The following BANK1 variants were observed in gnomAD, a reference collection of about 807,000 sequenced individuals.
BANK1 encodes B-cell scaffold protein with ankyrin repeats.
Under a neutral mutation model 94.5 loss-of-function variants are expected in BANK1, and 95 were observed. The observed-to-expected ratio is 1.00, with a 90% CI of 0.85 to 1.19. BANK1 has a LOEUF of 1.19. Among genes scored for constraint, BANK1 ranks in the 50% most tolerant of loss-of-function variants. The pLI, the probability that BANK1 is intolerant of heterozygous loss-of-function variation, is 0.00. For synonymous variants in BANK1, 334 were observed against 308.4 expected, an observed-to-expected ratio of 1.08 and a Z score of -0.87; for missense variants, 987 against 932.2, an observed-to-expected ratio of 1.06 and a Z score of -0.77.
chr4:101,889,584 G>A (rs1256340307), intron 5 of BANK1, among the ~76,000 whole-genome samples: 2 of 111,940 alleles, frequency 1.8e-5, no homozygotes, highest in Admixed American at 1.4e-4. Context: ...CGGCCTGGGC[G>A]ACAGAGCGAG....
At chr4:101,920,732 C>T (rs1722974985) in intron 7 of BANK1, among the ~76,000 whole-genome samples, 1 of 151,922 alleles carries the variant, frequency 6.6e-6, no homozygotes, top group Admixed American at 6.6e-5. Context: ...TCCTAATCCC[C>T]CATCAATAAA....
chr4:101,793,441 T>C (rs1256156756), intron 1 of BANK1, among the ~76,000 whole-genome samples: 1 of 152,212 alleles, frequency 6.6e-6, no homozygotes, highest in African/African-American at 2.4e-5. Context: ...GCTTTCAGGA[T>C]ATCTTCACCA....
intron 1 of BANK1, among the ~76,000 whole-genome samples, chr4:101,826,103 C>G (rs1468512489): frequency 6.6e-6 from 1 of 152,032 alleles, no homozygotes; most frequent in African/African-American, 2.4e-5. Context: ...ATAGATTACT[C>G]TACTGTTAGA....
intron 11 of BANK1, among the ~76,000 whole-genome samples, chr4:102,056,005 TACTC>T (rs1255015551): frequency 5.9e-5 from 9 of 152,106 alleles, no homozygotes; most frequent in African/African-American, 1.7e-4. Flanking sequence ...GTCTGTTACT[TACTC>T]AATGCTCTAA....
intron 10 of BANK1, among the ~76,000 whole-genome samples, chr4:102,032,909 A>T (rs1325437902): frequency 1.3e-5 from 2 of 151,776 alleles, no homozygotes; most frequent in East Asian, 3.9e-4. Context: ...AAAAAAAAAA[A>T]TGAAGCACCA....
chr4:101,874,966 T>C (rs1728433161), intron 5 of BANK1, among the ~76,000 whole-genome samples: 1 of 152,104 alleles, frequency 6.6e-6, no homozygotes, highest in South Asian at 2.1e-4. Context: ...TAAATAAAGA[T>C]AGAAAGTGAG....
chr4:102,001,124 A>AGCAG (rs1726053206), intron 7 of BANK1, among the ~76,000 whole-genome samples: 1 of 152,192 alleles, frequency 6.6e-6, no homozygotes, highest in Non-Finnish European at 1.5e-5. Context: ...GTGTATGGTC[A>AGCAG]CAGGCTGGTT....
chr4:101,956,832 A>C (rs558802126), intron 7 of BANK1, among the ~76,000 whole-genome samples: 10 of 152,196 alleles, frequency 6.6e-5, no homozygotes, highest in Non-Finnish European at 1.2e-4. Flanking sequence ...TATAGAAGGG[A>C]GAAAGCTCAG....
intron 1 of BANK1, among the ~76,000 whole-genome samples, chr4:101,827,593 G>T (rs1303427590): frequency 3.3e-5 from 5 of 151,872 alleles, no homozygotes; most frequent in Non-Finnish European, 7.4e-5. Context: ...TTTGGTTGTT[G>T]TTCTATATGT....
intron 5 of BANK1, among the ~76,000 whole-genome samples, chr4:101,888,600 T>G (rs887381967): frequency 2.0e-5 from 3 of 152,202 alleles, no homozygotes; most frequent in Admixed American, 6.5e-5. Context: ...GTTAGAATCT[T>G]TATTTACCAC....
intron 7 of BANK1, among the ~76,000 whole-genome samples, chr4:101,970,551 T>TC (rs1288562362): frequency 6.6e-6 from 1 of 152,064 alleles, no homozygotes; most frequent in East Asian, 1.9e-4. Flanking sequence ...CAAACAAGCT[T>TC]GGACGTAAGA....
intron 2 of BANK1, among the ~76,000 whole-genome samples, chr4:101,839,958 T>A (rs1267509781): frequency 0.017 from 1,079 of 63,400 alleles, 69 homozygotes; most frequent in African/African-American, 0.061. Flanking sequence ...TTTTTTTTTT[T>A]TTTTTTTTTT....
intron 2 of BANK1, among the ~76,000 whole-genome samples, chr4:101,847,227 GTGTGTGTGTA>G (rs1218671995): frequency 1.2e-4 from 15 of 127,380 alleles, no homozygotes; most frequent in African/African-American, 4.5e-4. Flanking sequence ...GTGTGTGTGT[GTGTGTGTGTA>G]TGTATATAGT....
In BANK1 at chr4:101,839,937, A is replaced by AT. The variant is rs70964197; in HGVS notation, c.469+9780dup. Among the ~76,000 whole-genome samples the AT allele has an allele frequency of 5.7e-5, 3 of 53,090 alleles. 1 individual carries two copies. The highest frequency in any genetic ancestry group is 2.3e-4 in the African/African-American group (3 of 13,330). 34.8% of individuals were successfully genotyped at this position (53,090 alleles called of 152,430 possible). A position where few individuals can be genotyped will look rare whatever the true frequency, so the allele number is the denominator to read the frequency against. On this transcript the variant is annotated intron_variant, in intron 2 of 16. Coordinates refer to ENST00000322953, the MANE Select transcript of BANK1 (RefSeq NM_017935.5). ...GCTACTATATAATTTCAAATATTTAATTTTTTTTTTTTTTTTTTTTTTTTT... is the reference window on the plus strand; with the variant it reads ...GCTACTATATAATTTCAAATATTTAATTTTTTTTTTTTTTTTTTTTTTTTTT...
At chr4:102,034,715 C>G (rs941077608) in intron 10 of BANK1, among the ~76,000 whole-genome samples, 2 of 152,046 alleles carry the variant, frequency 1.3e-5, no homozygotes, top group African/African-American at 2.4e-5. Flanking sequence ...TGCAATAACC[C>G]CACATAGTTG....
intron 7 of BANK1, among the ~76,000 whole-genome samples, chr4:101,996,518 C>T (rs1446332621): frequency 6.6e-6 from 1 of 152,152 alleles, no homozygotes; most frequent in African/African-American, 2.4e-5. Flanking sequence ...TTACTTTGGG[C>T]AGTATGACCA....
At chr4:101,797,720 C>T (rs762114430) in intron 1 of BANK1, among the ~76,000 whole-genome samples, 22 of 151,902 alleles carry the variant, frequency 1.4e-4, no homozygotes, top group Admixed American at 4.6e-4. Context: ...AAGAGGACAC[C>T]GGGAGGGCAT....
Position 102,030,281 on chromosome 4 carries a change from G to A in BANK1, c.1900+16G>A. 1 of 1,543,694 alleles carries A rather than the reference G, an allele frequency of 6.5e-7. No homozygotes were observed. Among genetic ancestry groups the A allele is most frequent in the Non-Finnish European group, 8.7e-7 (1 of 1,151,044 alleles). ...ATAGCTCAAGGTAATTATCATTGTT[G>A]TTTGTTTACTTGTTAATTTTTTTTG... On this transcript the variant is annotated intron_variant, in intron 10 of 16. Transcript: ENST00000322953.
chr4:101,865,724 C>T (rs1214390309), intron 4 of BANK1, among the ~76,000 whole-genome samples: 1 of 152,052 alleles, frequency 6.6e-6, no homozygotes, highest in East Asian at 1.9e-4. Context: ...AGAATGCTTT[C>T]CTTCCCTACC....
Sources: allele counts gnomAD v4.1 joint callset (sites outside exome capture counted in the v4.1 genomes callset), GRCh38; gene constraint gnomAD v4.1.1; transcripts MANE v1.5; gene names NCBI Gene and HGNC (gene_info 2026-07-23, HGNC 2026-07-21).